ZNF629: variants seen among roughly 807,000 people sequenced by gnomAD.
ZNF629 encodes zinc finger protein 629, also known as DNA-binding protein.
ZNF629 carries 9 observed loss-of-function variants against 59.7 expected under a neutral mutation model. That is an observed-to-expected ratio of 0.15 (90% confidence interval 0.09 to 0.26). ZNF629 has a LOEUF of 0.26. Ranked by LOEUF, ZNF629 falls within the 10% of genes least tolerant of loss-of-function variation. The probability of loss-of-function intolerance (pLI) is 1.00; values close to 1 mark genes in which losing one functional copy is unlikely to be tolerated. For synonymous variants in ZNF629, 509 were observed against 498.9 expected (o/e 1.02, Z -0.27); for missense variants, 853 against 1,165.4 (o/e 0.73, Z 3.90).
intron 2 of ZNF629, 76 bp downstream of exon 2, chr16:30,784,334 C>A: frequency 2.6e-6 from 4 of 1,546,100 alleles, no homozygotes; most frequent in Non-Finnish European, 3.5e-6. Context: ...CCCCGGGTGT[C>A]CCCCAGAGTC....
rs146375250 is a variant in ZNF629, at chr16:30,780,734, C to A, written c.*984G>T. ...AACCCTTGCACTCTGAGAGCTGGGA[C>A]CTGCCTGCTACTTGCAGTTTCGCAA... On this transcript the variant is annotated 3_prime_UTR_variant, in exon 3 of 3. Transcript: ENST00000262525. 6.6e-6 allele frequency: 1 copy of A among 152,250 alleles called. No homozygotes were observed. The highest frequency in any genetic ancestry group is 2.4e-5 in the African/African-American group (1 of 41,532). The allele number at this position is 152,250 out of a possible 1,614,324, so 9.4% of individuals were successfully genotyped here. A position where few individuals can be genotyped will look rare whatever the true frequency, so the allele number is the denominator to read the frequency against.
Position 30,781,627 on chromosome 16 carries a change from G to T in ZNF629, c.*91C>A. Reference sequence around the variant, plus strand: ...CTCCACTCCACTACCATCTGATAGGGTTATCCTCCCTTCCCCATGTAATTT... The same window carrying T: ...CTCCACTCCACTACCATCTGATAGGTTTATCCTCCCTTCCCCATGTAATTT... On this transcript the variant is annotated 3_prime_UTR_variant, in exon 3 of 3. Transcript: ENST00000262525. 7.6e-7 allele frequency: 1 copy of T among 1,315,846 alleles called. No individual in the cohort carries two copies. The highest frequency in any genetic ancestry group is 1.6e-5 in the South Asian group (1 of 62,568). 81.5% of individuals were successfully genotyped at this position (1,315,846 alleles called of 1,614,324 possible).
rs537430493 is a variant in ZNF629, at chr16:30,786,653, C to T, written c.-34+375G>A. On this transcript the variant is annotated intron_variant, in intron 1 of 2. Transcript: ENST00000262525. The surrounding 1 kb of genome is among the most constrained non-coding windows in gnomAD (Gnocchi z 4.8). Reference sequence around the variant, plus strand: ...CCGCTTGGCTCCGGACTTCTGCTCCCCCGGAGCCGCGACCCCCGTCCCGCT... The same window carrying T: ...CCGCTTGGCTCCGGACTTCTGCTCCTCCGGAGCCGCGACCCCCGTCCCGCT... Among the ~76,000 whole-genome samples the T allele has an allele frequency of 1.3e-5, 2 of 151,314 alleles. No homozygotes were observed. Among genetic ancestry groups the T allele is most frequent in the Non-Finnish European group, 3.0e-5 (2 of 67,626 alleles).
chr16:30,781,797 C>T lies in ZNF629; in HGVS notation c.2531G>A (p.Cys844Tyr). 1 of 1,611,694 alleles carries T rather than the reference C, an allele frequency of 6.2e-7. No homozygotes were observed. The highest frequency in any genetic ancestry group is 8.5e-7 in the Non-Finnish European group (1 of 1,178,772). The change falls in exon 3 of 3, where the codon TGC becomes TAC. Residue 844 changes from cysteine to tyrosine, a missense_variant. Transcript: ENST00000262525. Reference protein sequence around the residue: ...KTLVEEKPYLCPECGAGFTEV... With the variant: ...KTLVEEKPYLYPECGAGFTEV... ...TGTGAAGCCGGCTCCACACTCGGGG[C>T]ACAGATAGGGCTTTTCTTCCACTAG...
Position 30,784,531 on chromosome 16 carries a change from G to T in ZNF629, c.-33-16C>A, listed in dbSNP as rs562722891. The T allele has an allele frequency of 1.2e-5, 18 of 1,490,774 alleles. No individual in the cohort carries two copies. The highest frequency in any genetic ancestry group is 1.6e-5 in the Non-Finnish European group (18 of 1,120,452). The allele number at this position is 1,490,774 out of a possible 1,614,324, so 92.3% of individuals were successfully genotyped here. A position where few individuals can be genotyped will look rare whatever the true frequency, so the allele number is the denominator to read the frequency against. On this transcript the variant is annotated splice_polypyrimidine_tract_variant and intron_variant, in intron 1 of 2. Transcript: ENST00000262525. ...TCCAGGGACCCTGCGGGGGAAGACA[G>T]CGATGAGCGCACACTGGGAGCTGAT...
At position 30,783,773 on chromosome 16, in the gene ZNF629, C is replaced by T; in HGVS notation, c.555G>A (p.Lys185=). The part of the protein sequence containing the change: ...ERPNTCSECG[K]SFTQSSHLVQ... The stretch of plus-strand genomic sequence containing the variant: ...CCAGGTGCGAGCTCTGCGTGAAGCT[C>T]TTGCCGCACTCGGAGCAGGTGTTGG... The change falls in exon 3 of 3, where the codon AAG becomes AAA. Residue 185 remains lysine, a synonymous_variant. Coordinates refer to ENST00000262525, the MANE Select transcript of ZNF629 (RefSeq NM_001080417.3). 6.2e-7 allele frequency: 1 copy of T among 1,613,594 alleles called. No homozygotes were observed. Among genetic ancestry groups the T allele is most frequent in the Non-Finnish European group, 8.5e-7 (1 of 1,179,832 alleles).
intron 1 of ZNF629, among the ~76,000 whole-genome samples, chr16:30,785,185 C>T (rs2054321435): frequency 6.6e-6 from 1 of 152,098 alleles, no homozygotes; most frequent in Non-Finnish European, 1.5e-5. Flanking sequence ...AGGATGGATG[C>T]TTGTGTGAAC....
chr16:30,778,694 T>C lies in ZNF629; in HGVS notation c.*3024A>G, dbSNP rs2054255701. The C allele has an allele frequency of 6.5e-6, 1 of 152,710 alleles. No homozygotes were observed. The highest frequency in any genetic ancestry group is 1.5e-5 in the Non-Finnish European group (1 of 68,324). The allele number at this position is 152,710 out of a possible 1,614,324, so 9.5% of individuals were successfully genotyped here. A position where few individuals can be genotyped will look rare whatever the true frequency, so the allele number is the denominator to read the frequency against. ...AAGTTTCCCCACCATTCAGGATTCA[T>C]GCCCAGTTCCAAGTTCCCATCTGAC... On this transcript the variant is annotated 3_prime_UTR_variant, in exon 3 of 3. Transcript: ENST00000262525.
At position 30,784,047 on chromosome 16, in the gene ZNF629, G is replaced by A; in HGVS notation, c.281C>T (p.Pro94Leu). 2.5e-6 allele frequency: 4 copies of A among 1,584,064 alleles called. No individual in the cohort carries two copies. The highest frequency in any genetic ancestry group is 3.4e-6 in the Non-Finnish European group (4 of 1,167,098). Reference sequence around the variant, plus strand: ...GGTAGGGACTACCTCCGGGGCTGGGGGGTCCAGGGGGATCTGGTGGTCCAA... The same window carrying A: ...GGTAGGGACTACCTCCGGGGCTGGGAGGTCCAGGGGGATCTGGTGGTCCAA... ...NPLDHQIPLD[P>L]PAPEVVPTPS... The change falls in exon 3 of 3, where the codon CCC becomes CTC. Residue 94 changes from proline (P) to leucine (L), a missense_variant. By Grantham distance (98) the Pro-to-Leu change is moderately conservative (BLOSUM62 -3). Transcript: ENST00000262525.
Position 30,782,712 on chromosome 16 carries a change from C to G in ZNF629, c.1616G>C (p.Gly539Ala). The G allele has an allele frequency of 6.2e-7, 1 of 1,612,492 alleles. No homozygotes were observed. The highest frequency in any genetic ancestry group is 8.5e-7 in the Non-Finnish European group (1 of 1,179,572). ...CTGGGCCCTACGCGCTGGGGTCTTC[C>G]CCCTCTCATGGATCACCCGGTGCTG... The part of the protein sequence containing the change: ...LEQHRVIHER[G>A]KTPARRAQGD... Residue 539 changes from glycine to alanine, a missense_variant, in exon 3 of 3, where the codon GGG becomes GCG. Transcript: ENST00000262525.
chr16:30,782,924 G>A lies in ZNF629; in HGVS notation c.1404C>T (p.Ile468=). 6.2e-7 allele frequency: 1 copy of A among 1,613,972 alleles called. No homozygotes were observed. The highest frequency in any genetic ancestry group is 8.5e-7 in the Non-Finnish European group (1 of 1,179,962). The change falls in exon 3 of 3, where the codon ATC becomes ATT. Residue 468 remains isoleucine, a synonymous_variant. Coordinates refer to ENST00000262525, the MANE Select transcript of ZNF629 (RefSeq NM_001080417.3). Reference sequence around the variant, plus strand: ...GGTGCTGGATAAGGTGGGAGCTGCGGATGAAGCTCTTGCCGCAGTCGGAAC... The same window carrying A: ...GGTGCTGGATAAGGTGGGAGCTGCGAATGAAGCTCTTGCCGCAGTCGGAAC... ...YKCSDCGKSF[I]RSSHLIQHRR...
chr16:30,783,315 C>T lies in ZNF629; in HGVS notation c.1013G>A (p.Arg338His). The T allele has an allele frequency of 6.2e-7, 1 of 1,613,918 alleles. No homozygotes were observed. ...IQSSELTQHQ[R>H]THTGEKPYEC... is the part of the protein sequence containing the mutation. ...GTAGGGCTTCTCGCCTGTGTGCGTG[C>T]GCTGGTGCTGGGTCAGCTCCGAGCT... The change falls in exon 3 of 3, where the codon CGC becomes CAC. Residue 338 changes from arginine (R) to histidine (H), a missense_variant. Physicochemically the swap from Arg to His is conservative, Grantham distance 29 (BLOSUM62 0). Transcript: ENST00000262525.
At position 30,784,466 on chromosome 16, in the gene ZNF629, G is replaced by A. The variant is rs1025966891; in HGVS notation, c.17C>T (p.Ala6Val). ...ACCCTGCAGATCCGGGCCCCACAGC[G>A]CAGTCTCGGGCTCCATCCCAGAGCT... MEPET[A>V]LWGPDLQGPE... The change falls in exon 2 of 3, where the codon GCG becomes GTG. Residue 6 changes from alanine to valine, a missense_variant. Ala to Val is a moderately conservative substitution (Grantham distance 64). This residue lies in a region of ZNF629 where 232 missense variants were observed against 193.4 expected (regional missense o/e 1.20). Coordinates refer to ENST00000262525, the MANE Select transcript of ZNF629 (RefSeq NM_001080417.3). 2.6e-6 allele frequency: 4 copies of A among 1,552,714 alleles called. No homozygotes were observed. Among genetic ancestry groups the A allele is most frequent in the Middle Eastern group, 1.7e-4 (1 of 6,020 alleles).
chr16:30,781,680 C>T lies in ZNF629; in HGVS notation c.*38G>A, dbSNP rs573143479. The T allele has an allele frequency of 5.1e-4, 787 of 1,554,718 alleles. No homozygotes were observed. Among genetic ancestry groups the T allele is most frequent in the Admixed American group, 9.6e-4 (47 of 49,052 alleles). On this transcript the variant is annotated 3_prime_UTR_variant, in exon 3 of 3. Coordinates refer to ENST00000262525, the MANE Select transcript of ZNF629 (RefSeq NM_001080417.3). ...TTGGGGGAAAAAATCCAGTGTTCCT[C>T]TCTGGAGAGAGCGAGGCCCCTGGTC... is the stretch of plus-strand genomic sequence containing the variant.
Position 30,781,921 on chromosome 16 carries a change from G to A in ZNF629, c.2407C>T (p.Pro803Ser). The change falls in exon 3 of 3, where the codon CCA (proline) becomes TCA (serine). Residue 803 changes from proline (P) to serine (S), a missense_variant. This residue lies in a region of ZNF629 where 420 missense variants were observed against 435.6 expected (regional missense o/e 0.96). Transcript: ENST00000262525. Reference sequence around the variant, plus strand: ...TCTGTGGACAGGGTGACTGCCTCTGGAGGGGGGTCCTCGGGATTGGGGGGT... The same window carrying A: ...TCTGTGGACAGGGTGACTGCCTCTGAAGGGGGGTCCTCGGGATTGGGGGGT... ...EKPPNPEDPP[P>S]EAVTLSTDQE... The A allele has an allele frequency of 6.5e-7, 1 of 1,538,062 alleles. No individual in the cohort carries two copies. Among genetic ancestry groups the A allele is most frequent in the South Asian group, 1.3e-5 (1 of 79,094 alleles).
chr16:30,778,804 T>G lies in ZNF629; in HGVS notation c.*2914A>C, dbSNP rs2054256603. Reference sequence around the variant, plus strand: ...GACTCCCTGACCCTATCTGTTGGGCTCCTCCCTCCACCAGGGCGTTTCTGA... The same window carrying G: ...GACTCCCTGACCCTATCTGTTGGGCGCCTCCCTCCACCAGGGCGTTTCTGA... On this transcript the variant is annotated 3_prime_UTR_variant, in exon 3 of 3. Coordinates refer to ENST00000262525, the MANE Select transcript of ZNF629 (RefSeq NM_001080417.3). 1 of 152,400 alleles carries G rather than the reference T, an allele frequency of 6.6e-6. No individual in the cohort carries two copies. The highest frequency in any genetic ancestry group is 6.5e-5 in the Admixed American group (1 of 15,270). 9.4% of individuals were successfully genotyped at this position (152,400 alleles called of 1,614,324 possible). A position where few individuals can be genotyped will look rare whatever the true frequency, so the allele number is the denominator to read the frequency against.
In ZNF629 at chr16:30,784,271, A is replaced by G; in HGVS notation, c.74-17T>C. The G allele has an allele frequency of 6.3e-7, 1 of 1,585,808 alleles. No individual in the cohort carries two copies. The highest frequency in any genetic ancestry group is 8.5e-7 in the Non-Finnish European group (1 of 1,171,246). ...TCTCGGCACCTACAGAAAGAAAGGGAGTCTACAGCCCCCAGCCCCTTTCAG... is the reference window on the plus strand; with the variant it reads ...TCTCGGCACCTACAGAAAGAAAGGGGGTCTACAGCCCCCAGCCCCTTTCAG... On this transcript the variant is annotated splice_polypyrimidine_tract_variant and intron_variant, in intron 2 of 2. Transcript: ENST00000262525.
chr16:30,780,020 A>C lies in ZNF629; in HGVS notation c.*1698T>G, dbSNP rs2054267425. The C allele has an allele frequency of 6.6e-6, 1 of 152,630 alleles. No individual in the cohort carries two copies. Among genetic ancestry groups the C allele is most frequent in the Non-Finnish European group, 1.5e-5 (1 of 68,058 alleles). 9.5% of individuals were successfully genotyped at this position (152,630 alleles called of 1,614,324 possible). A position where few individuals can be genotyped will look rare whatever the true frequency, so the allele number is the denominator to read the frequency against. On this transcript the variant is annotated 3_prime_UTR_variant, in exon 3 of 3. Transcript: ENST00000262525. Reference sequence around the variant, plus strand: ...GGCAACAGTCTCTCCCCAGCCACATATGCCCAGGCCTGTGAGCAGGCTTGG... The same window carrying C: ...GGCAACAGTCTCTCCCCAGCCACATCTGCCCAGGCCTGTGAGCAGGCTTGG...
rs202217592 is a variant in ZNF629 at position 30,781,804 on chromosome 16, A to G, written c.2524T>C (p.Tyr842His). Reference sequence around the variant, plus strand: ...CCGGCTCCACACTCGGGGCACAGATAGGGCTTTTCTTCCACTAGGGTTTTG... The same window carrying G: ...CCGGCTCCACACTCGGGGCACAGATGGGGCTTTTCTTCCACTAGGGTTTTG... ...NPKTLVEEKP[Y>H]LCPECGAGFT... Residue 842 changes from tyrosine to histidine, a missense_variant, in exon 3 of 3, where the codon TAT (tyrosine) becomes CAT (histidine). Transcript: ENST00000262525. 3.7e-6 allele frequency: 6 copies of G among 1,610,730 alleles called. No individual in the cohort carries two copies. The highest frequency in any genetic ancestry group is 2.7e-5 in the African/African-American group (2 of 74,706).
Sources: gnomAD v4.1 joint callset for allele counts (sites outside exome capture counted in the v4.1 genomes callset) on GRCh38, gnomAD v4.1.1 for gene constraint, gnomAD v4.1.1 regional missense constraint, Gnocchi (gnomAD v3.1) non-coding constraint, MANE v1.5 for transcripts, NCBI Gene and HGNC (gene_info 2026-07-23, HGNC 2026-07-21) for gene names.